PCDH7: variants seen among roughly 807,000 people sequenced by gnomAD.
PCDH7 encodes protocadherin 7, also known as protocadherin-7.
In PCDH7, 17 loss-of-function variants were observed where a neutral mutation model predicts 58.9. The observed-to-expected ratio is 0.29, with a 90% CI of 0.20 to 0.43. The LOEUF is 0.43. PCDH7 is among the 20% of genes least tolerant of loss of function. The probability of loss-of-function intolerance (pLI) is 1.00; values close to 1 mark genes in which losing one functional copy is unlikely to be tolerated. For synonymous variants in PCDH7, 664 were observed against 616.4 expected (o/e 1.08, Z -1.14); for missense variants, 1,274 against 1,441.0 (o/e 0.88, Z 1.88).
intron 1 of PCDH7, among the ~76,000 whole-genome samples, chr4:30,881,582 TGACTGCAGTTA>T (rs1301072417): frequency 2.6e-5 from 4 of 152,288 alleles, no homozygotes; most frequent in African/African-American, 9.6e-5. Flanking sequence ...TCTAGCTTTT[TGACTGCAGTTA>T]GGTCTCTTAA....
chr4:30,886,036 C>G (rs1737695427), intron 1 of PCDH7, among the ~76,000 whole-genome samples: 1 of 151,704 alleles, frequency 6.6e-6, no homozygotes, highest in Non-Finnish European at 1.5e-5. Flanking sequence ...AAAACCTAGG[C>G]ATTACCATTC....
intron 1 of PCDH7, among the ~76,000 whole-genome samples, chr4:30,825,252 C>T (rs528007405): frequency 2.3e-4 from 35 of 152,268 alleles, no homozygotes; most frequent in African/African-American, 7.9e-4. Context: ...ATGTGATCCA[C>T]TTTTCAGTGT....
chr4:30,933,070 A>G (rs1056817108), intron 2 of PCDH7, among the ~76,000 whole-genome samples: 3 of 150,764 alleles, frequency 2.0e-5, no homozygotes, highest in Admixed American at 6.6e-5. Context: ...CTCTGTCGCC[A>G]GGCTGGAGTG....
rs530017592 is a variant in PCDH7, at chr4:31,039,112, C to CA, written c.*7+88907dup. ...TGTAAGAATTATCAATTCTAAATAT[C>CA]AAAAAAAAAAGCTCACATTTCTGCT... is the stretch of plus-strand genomic sequence containing the variant. On this transcript the variant is annotated intron_variant, in intron 3 of 3. Transcript: ENST00000509759. Among the ~76,000 whole-genome samples, 940 of 147,280 alleles carry CA rather than the reference C, an allele frequency of 6.4e-3. 8 individuals carry two copies. The highest frequency in any genetic ancestry group is 0.021 in the African/African-American group (840 of 40,360).
At chr4:31,018,876 G>C (rs1374416602) in intron 3 of PCDH7, among the ~76,000 whole-genome samples, 1 of 152,152 alleles carries the variant, frequency 6.6e-6, no homozygotes, top group Non-Finnish European at 1.5e-5. Flanking sequence ...GAGATATAGG[G>C]AAATGAAATA....
intron 3 of PCDH7, among the ~76,000 whole-genome samples, chr4:31,130,482 C>A (rs748199028): frequency 9.2e-5 from 14 of 152,146 alleles, no homozygotes; most frequent in Non-Finnish European, 1.9e-4. Flanking sequence ...ACAAATGCAG[C>A]AAGTCTATAC....
intron 3 of PCDH7, among the ~76,000 whole-genome samples, chr4:31,110,201 A>G (rs1716109983): frequency 6.6e-6 from 1 of 152,196 alleles, no homozygotes; most frequent in Non-Finnish European, 1.5e-5. Flanking sequence ...GGGCATATTT[A>G]AGGCCATGTG....
intron 3 of PCDH7, among the ~76,000 whole-genome samples, chr4:30,986,372 G>A (rs1161430362): frequency 6.6e-6 from 1 of 151,748 alleles, no homozygotes; most frequent in Admixed American, 6.6e-5. Context: ...CATGAAGATG[G>A]TTTGTAGCTA....
chr4:30,987,935 G>A (rs982607434), intron 3 of PCDH7: 1 of 152,072 alleles, frequency 6.6e-6, no homozygotes, highest in African/African-American at 2.4e-5. Context: ...TTAATTTCTA[G>A]GGAGGGTATT....
intron 3 of PCDH7, among the ~76,000 whole-genome samples, chr4:31,067,047 T>C (rs1024169912): frequency 1.3e-4 from 19 of 151,982 alleles, no homozygotes; most frequent in African/African-American, 4.6e-4. Flanking sequence ...CTGGGCTTTA[T>C]TCCTTTCATG....
chr4:30,863,530 T>C (rs1734480669), intron 1 of PCDH7, among the ~76,000 whole-genome samples: 1 of 152,106 alleles, frequency 6.6e-6, no homozygotes, highest in African/African-American at 2.4e-5. Context: ...TTGCTTTACG[T>C]ATGTCTAACC....
intron 1 of PCDH7, among the ~76,000 whole-genome samples, chr4:30,899,168 C>G (rs1220779417): frequency 6.6e-6 from 1 of 151,964 alleles, no homozygotes; most frequent in Admixed American, 6.6e-5. Flanking sequence ...AGTCACTGCC[C>G]CAGGGTTTTT....
chr4:31,076,132 G>A (rs1286285975), intron 3 of PCDH7, among the ~76,000 whole-genome samples: 1 of 152,100 alleles, frequency 6.6e-6, no homozygotes, highest in Admixed American at 6.5e-5. Context: ...TGAAAGCCAG[G>A]CTGTTTTTGA....
At chr4:31,017,973 G>C (rs1024017929) in intron 3 of PCDH7, among the ~76,000 whole-genome samples, 5 of 152,020 alleles carry the variant, frequency 3.3e-5, no homozygotes, top group Non-Finnish European at 7.4e-5. Flanking sequence ...GTAACTCAAA[G>C]ACAATTTCAG....
intron 1 of PCDH7, among the ~76,000 whole-genome samples, chr4:30,832,343 T>C (rs1184693204): frequency 2.0e-5 from 3 of 152,216 alleles, no homozygotes; most frequent in Non-Finnish European, 2.9e-5. Context: ...CTTGCTTACT[T>C]GCTTTCTTGC....
intron 1 of PCDH7, among the ~76,000 whole-genome samples, chr4:30,774,853 G>A (rs1475016954): frequency 2.0e-5 from 3 of 152,102 alleles, no homozygotes; most frequent in African/African-American, 7.2e-5. Flanking sequence ...TCTATAGATT[G>A]GAGTAATTCA....
chr4:31,027,620 A>G (rs1286704819), intron 3 of PCDH7, among the ~76,000 whole-genome samples: 1 of 152,020 alleles, frequency 6.6e-6, no homozygotes. Context: ...ATGGGGTTTC[A>G]CCATGTTGGC....
At chr4:30,843,209 T>G (rs1339659616) in intron 1 of PCDH7, among the ~76,000 whole-genome samples, 1 of 152,132 alleles carries the variant, frequency 6.6e-6, no homozygotes, top group Non-Finnish European at 1.5e-5. Context: ...TATTATTTAT[T>G]TATTTATTTA....
chr4:31,063,421 T>C (rs1260931454), intron 3 of PCDH7, among the ~76,000 whole-genome samples: 1 of 151,840 alleles, frequency 6.6e-6, no homozygotes, highest in Admixed American at 6.6e-5. Context: ...TTTGCAAGGG[T>C]TGAGCATGCT....
Sources: gnomAD v4.1 joint callset for allele counts (sites outside exome capture counted in the v4.1 genomes callset) on GRCh38, gnomAD v4.1.1 for gene constraint, MANE v1.5 for transcripts, NCBI Gene and HGNC (gene_info 2026-07-23, HGNC 2026-07-21) for gene names.